ERCC2: variants seen among roughly 807,000 people sequenced by gnomAD.
ERCC2 encodes the protein general transcription and DNA repair factor IIH helicase subunit XPD.
Under a neutral mutation model 99.4 loss-of-function variants are expected in ERCC2, and 90 were observed. The ratio of observed to expected loss-of-function variants is 0.91; its 90% CI spans 0.76 to 1.08. The LOEUF (loss-of-function observed/expected upper bound fraction) is 1.08, where lower values mean the gene tolerates loss of function less well. Ranked by LOEUF, ERCC2 falls within the 50% of genes least tolerant of loss-of-function variation. The pLI, the probability that ERCC2 is intolerant of heterozygous loss-of-function variation, is 0.00. For synonymous variants in ERCC2, 497 were observed against 432.4 expected (o/e 1.15, Z -1.85); for missense variants, 993 against 1,038.1 (o/e 0.96, Z 0.60).
chr19:45,350,023 G>C lies in ERCC2; in HGVS notation c.*1606C>G. 4.5e-6 allele frequency: 2 copies of C among 448,512 alleles called. No homozygotes were observed. Among genetic ancestry groups the C allele is most frequent in the East Asian group, 7.8e-5 (2 of 25,788 alleles). 27.8% of individuals were successfully genotyped at this position (448,512 alleles called of 1,614,324 possible). On this transcript the variant is annotated 3_prime_UTR_variant, in exon 23 of 23. Transcript: ENST00000391945. ...CAGCAGACAGGCTCAGAAACAGGAG[G>C]CTGCCTGTCCTCCATCCCCAGGGCA...
chr19:45,369,751 C>T (rs1196409531), intron 2 of ERCC2, among the ~76,000 whole-genome samples: 6 of 152,164 alleles, frequency 3.9e-5, no homozygotes, highest in Non-Finnish European at 8.8e-5. Flanking sequence ...TCATGGCTCA[C>T]TGCAGCCTCC....
In ERCC2 at chr19:45,352,663, G is replaced by A; in HGVS notation, c.1903-14C>T. On this transcript the variant is annotated splice_polypyrimidine_tract_variant and intron_variant, in intron 20 of 22. Transcript: ENST00000391945. The stretch of plus-strand genomic sequence containing the variant: ...TTCCAGCCGCGCCTGCAGATACGGA[G>A]GATGAGAAGCTGGGGAGGTGGGGGA... 1 of 1,614,042 alleles carries A rather than the reference G, an allele frequency of 6.2e-7. No individual in the cohort carries two copies. The highest frequency in any genetic ancestry group is 8.5e-7 in the Non-Finnish European group (1 of 1,180,040).
chr19:45,363,936 G>T lies in ERCC2; in HGVS notation c.950-25C>A, dbSNP rs572112828. 107 of 1,533,698 alleles carry T rather than the reference G, an allele frequency of 7.0e-5. No homozygotes were observed. The South Asian group carries it at 1.2e-3, about 18-fold the overall frequency. The stretch of plus-strand genomic sequence containing the variant: ...TCTGCGAGGAGACGCTATCAGCGGC[G>T]ACGGGGAGGCGGGAAAGGGACTGGG... On this transcript the variant is annotated intron_variant, in intron 10 of 22. Transcript: ENST00000391945.
chr19:45,364,120 C>A lies in ERCC2; in HGVS notation c.816-1G>T. ...GCGCTGCTCGTCTGTCTCTTTGATCCTGCGGAGAGATGAGCTGGGGCTGGG... is the reference window on the plus strand; with the variant it reads ...GCGCTGCTCGTCTGTCTCTTTGATCATGCGGAGAGATGAGCTGGGGCTGGG... On this transcript the variant is annotated splice_acceptor_variant, in intron 9 of 22. Coordinates refer to ENST00000391945, the MANE Select transcript of ERCC2 (RefSeq NM_000400.4). LOFTEE classifies it high-confidence loss of function. 1 of 1,611,510 alleles carries A rather than the reference C, an allele frequency of 6.2e-7. No homozygotes were observed. Among genetic ancestry groups the A allele is most frequent in the Non-Finnish European group, 8.5e-7 (1 of 1,179,336 alleles).
Position 45,352,229 on chromosome 19 carries a change from T to C in ERCC2, c.2170A>G (p.Met724Val), listed in dbSNP as rs1240224557. The change falls in exon 22 of 23, where the codon ATG becomes GTG. Residue 724 changes from methionine (M) to valine (V), a missense_variant. Physicochemically the swap from Met to Val is conservative, Grantham distance 21 (BLOSUM62 1). Transcript: ENST00000391945. ...VQVAKYFLRQ[M>V]AQPFHREDQL... The stretch of plus-strand genomic sequence containing the variant: ...CTCACCCGGTGGAAGGGCTGTGCCA[T>C]CTGCCGCAGGAAGTACTTGGCCACC... 3 of 1,613,854 alleles carry C rather than the reference T, an allele frequency of 1.9e-6. No homozygotes were observed. The highest frequency in any genetic ancestry group is 2.2e-5 in the East Asian group (1 of 44,888).
In ERCC2 at chr19:45,351,315, T is replaced by G. The variant is rs749038757; in HGVS notation, c.*314A>C. On this transcript the variant is annotated 3_prime_UTR_variant, in exon 23 of 23. Coordinates refer to ENST00000391945, the MANE Select transcript of ERCC2 (RefSeq NM_000400.4). ...CCAGCTGGCACCTGGACAAGGCCCC[T>G]CGGACCCTCAGCGCCAGCACCCAGG... 3.1e-6 allele frequency: 5 copies of G among 1,612,430 alleles called. No individual in the cohort carries two copies. The highest frequency in any genetic ancestry group is 4.2e-6 in the Non-Finnish European group (5 of 1,179,980).
intron 5 of ERCC2, among the ~76,000 whole-genome samples, chr19:45,366,255 G>A (rs1972422558): frequency 1.3e-5 from 2 of 150,900 alleles, no homozygotes; most frequent in Non-Finnish European, 3.0e-5. Flanking sequence ...CGATTCTCCT[G>A]TCTCAGCCTC....
At chr19:45,369,294 C>T in intron 2 of ERCC2, 147 bp from the exon 3 acceptor site, 1 of 706,298 alleles carries the variant, frequency 1.4e-6, no homozygotes, top group Non-Finnish European at 2.6e-6. Context: ...TGGGTTTGAA[C>T]CTCACTTCTG....
intron 11 of ERCC2, among the ~76,000 whole-genome samples, chr19:45,362,864 G>A (rs1972273425): frequency 6.6e-6 from 1 of 152,374 alleles, no homozygotes; most frequent in African/African-American, 2.4e-5. Flanking sequence ...CAACTACCGG[G>A]CACAGTGCTG....
At chr19:45,359,068 C>T (rs556461524) in intron 12 of ERCC2, 2 of 601,652 alleles carry the variant, frequency 3.3e-6, no homozygotes, top group Admixed American at 2.9e-5. Flanking sequence ...ACAGACTTGT[C>T]CTCAGATAGT....
intron 7 of ERCC2, 73 bp downstream of exon 7, chr19:45,364,765 G>T (rs1337370085): frequency 2.3e-6 from 3 of 1,316,642 alleles, no homozygotes; most frequent in South Asian, 1.2e-5. Flanking sequence ...AGACAGACAT[G>T]GGCAGACAGG....
Position 45,350,132 on chromosome 19 carries a change from G to A in ERCC2, c.*1497C>T, listed in dbSNP as rs1182736632. 23 of 579,642 alleles carry A rather than the reference G, an allele frequency of 4.0e-5. No individual in the cohort carries two copies. Among genetic ancestry groups the A allele is most frequent in the Non-Finnish European group, 3.1e-6 (1 of 325,982 alleles). 35.9% of individuals were successfully genotyped at this position (579,642 alleles called of 1,614,324 possible). ...AGGATACGGCCAGGTCAGCACATTA[G>A]AAAGTGGGGCCAGACGTGGTGGTTC... On this transcript the variant is annotated 3_prime_UTR_variant, in exon 23 of 23. Coordinates refer to ENST00000391945, the MANE Select transcript of ERCC2 (RefSeq NM_000400.4).
In ERCC2 at chr19:45,355,656, G is replaced by T; in HGVS notation, c.1543+9C>A. On this transcript the variant is annotated intron_variant, in intron 16 of 22. Coordinates refer to ENST00000391945, the MANE Select transcript of ERCC2 (RefSeq NM_000400.4). ...GAACCCACAGAAACCAGCCCCACTGGCAGCATACCAATATCCTCCCGGGTC... is the reference window on the plus strand; with the variant it reads ...GAACCCACAGAAACCAGCCCCACTGTCAGCATACCAATATCCTCCCGGGTC... 1 of 1,613,174 alleles carries T rather than the reference G, an allele frequency of 6.2e-7. No homozygotes were observed. The highest frequency in any genetic ancestry group is 8.5e-7 in the Non-Finnish European group (1 of 1,179,172).
At chr19:45,368,581 G>A (rs768516869) in intron 5 of ERCC2, 49 bp downstream of exon 5, 1 of 1,307,556 alleles carries the variant, frequency 7.6e-7, no homozygotes, top group Admixed American at 1.7e-5. Context: ...GGACGAAAGA[G>A]TTTTCTCTAC....
chr19:45,365,436 GA>G (rs1159313001), intron 5 of ERCC2, among the ~76,000 whole-genome samples: 1 of 152,146 alleles, frequency 6.6e-6, no homozygotes, highest in Non-Finnish European at 1.5e-5. Context: ...CCAACATGGT[GA>G]AACCCTGTCT....
intron 15 of ERCC2, 33 bp downstream of exon 15, chr19:45,357,237 C>G: frequency 6.5e-7 from 1 of 1,544,104 alleles, no homozygotes; most frequent in Non-Finnish European, 8.9e-7. Flanking sequence ...CCCATCTCCC[C>G]TCCCGGCCCC....
At chr19:45,368,599 C>T in intron 5 of ERCC2, 31 bp downstream of exon 5, 1 of 1,453,548 alleles carries the variant, frequency 6.9e-7, no homozygotes, top group Non-Finnish European at 9.7e-7. Flanking sequence ...TACCTCTGGG[C>T]TAAGGGCAAG....
At chr19:45,365,352 C>T (rs895470310) in intron 5 of ERCC2, among the ~76,000 whole-genome samples, 194 bp from the exon 6 acceptor site, 1 of 152,196 alleles carries the variant, frequency 6.6e-6, no homozygotes, top group Non-Finnish European at 1.5e-5. Context: ...CGCGGTGGCT[C>T]ACGCCTGTAA....
Position 45,364,458 on chromosome 19 carries a change from C to T in ERCC2, c.684G>A (p.Lys228=). The T allele has an allele frequency of 1.2e-6, 2 of 1,614,036 alleles. No homozygotes were observed. The highest frequency in any genetic ancestry group is 1.7e-6 in the Non-Finnish European group (2 of 1,180,008). Residue 228 remains lysine (K), a synonymous_variant, in exon 8 of 23, where the codon AAG becomes AAA. Transcript: ENST00000391945. ...ADLVSKELAR[K]AVVVFDEAHN... ...GGGCCTCGTCGAAGACCACGACGGCCTTGCGGGCCAGTTCCTTGGACACCA... is the reference window on the plus strand; with the variant it reads ...GGGCCTCGTCGAAGACCACGACGGCTTTGCGGGCCAGTTCCTTGGACACCA...
Sources: allele counts gnomAD v4.1 joint callset (sites outside exome capture counted in the v4.1 genomes callset), GRCh38; gene constraint gnomAD v4.1.1; transcripts MANE v1.5; gene names NCBI Gene and HGNC (gene_info 2026-07-23, HGNC 2026-07-21).